The following ST6GALNAC5 variants were observed in gnomAD, a reference collection of about 807,000 sequenced individuals.
ST6GALNAC5 encodes alpha-N-acetylgalactosaminide alpha-2,6-sialyltransferase 5.
A neutral mutation model predicts 33.6 loss-of-function variants in ST6GALNAC5; 27 were observed. That is an observed-to-expected ratio of 0.80 (90% CI 0.59 to 1.11). The LOEUF is 1.11. ST6GALNAC5 is among the 50% of genes least tolerant of loss of function. The pLI is 0.00. For missense variants in ST6GALNAC5, 428 were observed against 454.0 expected, an observed-to-expected ratio of 0.94 and a Z score of 0.52; for synonymous variants, 194 against 171.2, an observed-to-expected ratio of 1.13 and a Z score of -1.04.
Position 77,001,018 on chromosome 1 carries a change from A to G in ST6GALNAC5, c.262-43186A>G, listed in dbSNP as rs34672812. ...ATGAACTTTAAAGTAGTTTTTTCCA[A>G]TTCTGTGAAGAAAGTCATTGGTAGC... is the stretch of plus-strand genomic sequence containing the variant. On this transcript the variant is annotated intron_variant, in intron 2 of 4. Transcript: ENST00000477717. Among the ~76,000 whole-genome samples, 8 of 151,738 alleles carry G rather than the reference A, an allele frequency of 5.3e-5. 1 individual carries two copies. Among genetic ancestry groups the G allele is most frequent in the Non-Finnish European group, 1.2e-4 (8 of 67,932 alleles).
chr1:76,993,487 C>G (rs182916435), intron 2 of ST6GALNAC5, among the ~76,000 whole-genome samples: 1 of 152,298 alleles, frequency 6.6e-6, no homozygotes, highest in East Asian at 1.9e-4. Context: ...GCAGCTTTCC[C>G]TAAGGAATTT....
At chr1:77,028,903 GA>G in intron 2 of ST6GALNAC5, among the ~76,000 whole-genome samples, 1 of 152,302 alleles carries the variant, frequency 6.6e-6, no homozygotes, top group South Asian at 2.1e-4. Context: ...ATAGGACCTG[GA>G]ATGTTGGGTT....
intron 2 of ST6GALNAC5, among the ~76,000 whole-genome samples, chr1:77,037,212 T>C (rs978373663): frequency 7.9e-5 from 12 of 152,124 alleles, no homozygotes; most frequent in Non-Finnish European, 1.6e-4. Context: ...TGGAATAGTA[T>C]ACAGCCATGA....
At chr1:76,973,136 G>T (rs1648830133) in intron 2 of ST6GALNAC5, among the ~76,000 whole-genome samples, 1 of 151,872 alleles carries the variant, frequency 6.6e-6, no homozygotes, top group Non-Finnish European at 1.5e-5. Context: ...TTCTGGTTTT[G>T]TTTGGTATAT....
intron 2 of ST6GALNAC5, among the ~76,000 whole-genome samples, chr1:76,954,564 A>G (rs1436943673): frequency 6.6e-6 from 1 of 152,104 alleles, no homozygotes; most frequent in Non-Finnish European, 1.5e-5. Flanking sequence ...AGAAAGAGTG[A>G]GTGTTTGTAA....
In ST6GALNAC5 at chr1:77,042,377, C is replaced by G. The variant is rs192679926; in HGVS notation, c.262-1827C>G. On this transcript the variant is annotated intron_variant, in intron 2 of 4. Coordinates refer to ENST00000477717, the MANE Select transcript of ST6GALNAC5 (RefSeq NM_030965.3). ...CTCCTTTACTGACCACTGTCCCTCA[C>G]TAAAGTGTAAGCTTTCAAGGCTATT... 3.4e-3 allele frequency among the ~76,000 whole-genome samples: 525 copies of G among 152,310 alleles called. 3 individuals are homozygous for G. The highest frequency in any genetic ancestry group is 0.012 in the African/African-American group (486 of 41,572).
At chr1:76,940,395 T>A (rs552841408) in intron 2 of ST6GALNAC5, among the ~76,000 whole-genome samples, 1 of 152,244 alleles carries the variant, frequency 6.6e-6, no homozygotes, top group East Asian at 1.9e-4. Context: ...AAAACTGACA[T>A]ACTGGAGCAC....
intron 2 of ST6GALNAC5, among the ~76,000 whole-genome samples, chr1:77,038,232 T>G (rs1570124389): frequency 6.6e-6 from 1 of 152,152 alleles, no homozygotes; most frequent in Non-Finnish European, 1.5e-5. Flanking sequence ...TGAAGGCTGG[T>G]GGGTGGGCTT....
chr1:77,061,693 G>T (rs1483592828), intron 4 of ST6GALNAC5, among the ~76,000 whole-genome samples: 2 of 152,194 alleles, frequency 1.3e-5, no homozygotes, highest in South Asian at 2.1e-4. Context: ...AGACAGAAGA[G>T]GTGGGCTAGA....
At chr1:77,001,084 G>C (rs1383451006) in intron 2 of ST6GALNAC5, among the ~76,000 whole-genome samples, 1 of 151,992 alleles carries the variant, frequency 6.6e-6, no homozygotes, top group Non-Finnish European at 1.5e-5. Flanking sequence ...ACCTTGGCCA[G>C]TATGGTCATG....
chr1:76,900,088 A>G lies in ST6GALNAC5; in HGVS notation c.261+31346A>G, dbSNP rs565138125. Among the ~76,000 whole-genome samples, 164 of 152,112 alleles carry G rather than the reference A, an allele frequency of 1.1e-3. 2 individuals are homozygous for G. The highest frequency in any genetic ancestry group is 2.0e-3 in the Non-Finnish European group (139 of 68,008). On this transcript the variant is annotated intron_variant, in intron 2 of 4. Coordinates refer to ENST00000477717, the MANE Select transcript of ST6GALNAC5 (RefSeq NM_030965.3). ...GTCTGAAAAGAGAGTCAGCGAAGGG[A>G]GATAAGGGTGGGGCTGTTTTATAGG... is the stretch of plus-strand genomic sequence containing the variant.
At chr1:76,913,600 T>C (rs1238590833) in intron 2 of ST6GALNAC5, among the ~76,000 whole-genome samples, 3 of 152,138 alleles carry the variant, frequency 2.0e-5, no homozygotes, top group Non-Finnish European at 4.4e-5. Flanking sequence ...TCATGTTTCT[T>C]GGAGGCTTTG....
At chr1:76,925,142 A>G (rs1372696292) in intron 2 of ST6GALNAC5, among the ~76,000 whole-genome samples, 1 of 151,984 alleles carries the variant, frequency 6.6e-6, no homozygotes, top group Non-Finnish European at 1.5e-5. Flanking sequence ...TTAAACAACC[A>G]GATCAGTCTC....
intron 2 of ST6GALNAC5, among the ~76,000 whole-genome samples, chr1:76,903,397 A>T (rs1002430065): frequency 6.6e-6 from 1 of 152,204 alleles, no homozygotes; most frequent in Non-Finnish European, 1.5e-5. Context: ...CTTTTGTCAA[A>T]TGTGGAAAGA....
At chr1:76,992,976 G>C (rs1163241399) in intron 2 of ST6GALNAC5, among the ~76,000 whole-genome samples, 1 of 152,136 alleles carries the variant, frequency 6.6e-6, no homozygotes, top group Non-Finnish European at 1.5e-5. Context: ...ACAGGACTAA[G>C]ACCCAAGTTC....
intron 2 of ST6GALNAC5, among the ~76,000 whole-genome samples, chr1:76,922,875 G>A (rs531288838): frequency 6.6e-6 from 1 of 151,538 alleles, no homozygotes; most frequent in Admixed American, 6.6e-5. Flanking sequence ...GGCTGAGGCT[G>A]CAGTGAGCTG....
chr1:76,869,567 A>G (rs1213223492), intron 2 of ST6GALNAC5, among the ~76,000 whole-genome samples: 6 of 152,172 alleles, frequency 3.9e-5, no homozygotes, highest in Admixed American at 1.3e-4. Flanking sequence ...TCCACTCTCT[A>G]TCTGCTTTAT....
At chr1:76,879,612 G>A (rs1215996565) in intron 2 of ST6GALNAC5, among the ~76,000 whole-genome samples, 1 of 152,166 alleles carries the variant, frequency 6.6e-6, no homozygotes, top group African/African-American at 2.4e-5. Flanking sequence ...GGCTCCTGAG[G>A]AGAATCAACA....
chr1:76,970,628 ACT>A (rs1350077781), intron 2 of ST6GALNAC5, among the ~76,000 whole-genome samples: 1 of 152,152 alleles, frequency 6.6e-6, no homozygotes, highest in Non-Finnish European at 1.5e-5. Context: ...GTTGGAAAAC[ACT>A]CTTCAGGATA....
Sources: allele counts gnomAD v4.1 joint callset (sites outside exome capture counted in the v4.1 genomes callset), GRCh38; gene constraint gnomAD v4.1.1; transcripts MANE v1.5; gene names NCBI Gene and HGNC (gene_info 2026-07-23, HGNC 2026-07-21).